Variants in WDFY4 observed in about 807,000 individuals in gnomAD.
WDFY4 encodes the protein WDFY family member 4, also known as WD repeat- and FYVE domain-containing protein 4.
WDFY4 carries 169 observed loss-of-function variants against 351.9 expected under a neutral mutation model. The ratio of observed to expected loss-of-function variants is 0.48; its 90% CI spans 0.42 to 0.55. The LOEUF (loss-of-function observed/expected upper bound fraction) is 0.55. WDFY4 is among the 20% of genes least tolerant of loss of function. The pLI is 0.00. For missense variants in WDFY4, 3,803 were observed against 3,935.6 expected (o/e 0.97, Z 0.90); for synonymous variants, 1,622 against 1,574.6 (o/e 1.03, Z -0.71).
chr10:48,788,704 C>A, intron 21 of WDFY4, 29 bp downstream of exon 21: 1 of 1,548,340 alleles, frequency 6.5e-7, no homozygotes, highest in Non-Finnish European at 8.7e-7. Flanking sequence ...CTGCTAATCT[C>A]TGTTGGAATC....
At position 48,743,384 on chromosome 10, in the gene WDFY4, G is replaced by T. The variant is rs764734930; in HGVS notation, c.2295G>T (p.Gln765His). The T allele has an allele frequency of 5.2e-6, 8 of 1,551,546 alleles. No homozygotes were observed. Residue 765 changes from glutamine (Q) to histidine (H), a missense_variant, in exon 12 of 62, where the codon CAG becomes CAT. This residue lies in a region of WDFY4 where 3,054 missense variants were observed against 3,148.6 expected (regional missense o/e 0.97). Coordinates refer to ENST00000325239, the MANE Select transcript of WDFY4 (RefSeq NM_001394531.1). ...SLPPRIQSCLQILGFLDSMAS... is the reference protein window; with the variant it reads ...SLPPRIQSCLHILGFLDSMAS... ...CACCCCGGATACAGAGCTGCCTCCA[G>T]ATCCTTGGCTTTCTGGACAGCATGG... is the stretch of plus-strand genomic sequence containing the variant.
chr10:48,861,918 A>G (rs979197559), intron 39 of WDFY4, among the ~76,000 whole-genome samples: 4 of 152,104 alleles, frequency 2.6e-5, no homozygotes, highest in Non-Finnish European at 4.4e-5. Context: ...CAGAATAGCT[A>G]CTTGCTATTG....
rs564534648 is a variant in WDFY4 at position 48,749,741 on chromosome 10, G to T, written c.2459+6193G>T. Among the ~76,000 whole-genome samples, 197 of 152,184 alleles carry T rather than the reference G, an allele frequency of 1.3e-3. 4 individuals are homozygous for T. The South Asian group carries it at 0.039, about 30-fold the overall frequency. On this transcript the variant is annotated intron_variant, in intron 12 of 61. Coordinates refer to ENST00000325239, the MANE Select transcript of WDFY4 (RefSeq NM_001394531.1). ...AGGGTGGTCTCTGTGCAGGACTGTG[G>T]CATCATGGGGTTATGGGTTATGAGG...
chr10:48,843,531 T>C (rs960294777), intron 39 of WDFY4, among the ~76,000 whole-genome samples: 2 of 151,992 alleles, frequency 1.3e-5, no homozygotes, highest in African/African-American at 4.8e-5. Context: ...CATCCAAAAA[T>C]AAATAAATAA....
rs576757613 is a variant in WDFY4 at position 48,887,505 on chromosome 10, G to T, written c.7168-3074G>T. ...TAGAAATTTATGCTTCAGGCCAGGC[G>T]CGGTGGCTCACGCCCGTAATCCCAG... On this transcript the variant is annotated intron_variant, in intron 43 of 61. Transcript: ENST00000325239. Among the ~76,000 whole-genome samples, 6 of 152,316 alleles carry T rather than the reference G, an allele frequency of 3.9e-5. No homozygotes were observed. The South Asian group carries it at 6.2e-4, about 16-fold the overall frequency.
intron 31 of WDFY4, 61 bp downstream of exon 31, chr10:48,814,143 G>A: frequency 6.9e-7 from 1 of 1,455,442 alleles, no homozygotes; most frequent in African/African-American, 1.4e-5. Flanking sequence ...CAGTTTGGAA[G>A]GGTCACCTTG....
chr10:48,700,646 C>T (rs772181371), intron 1 of WDFY4, among the ~76,000 whole-genome samples: 6 of 152,214 alleles, frequency 3.9e-5, no homozygotes, highest in Admixed American at 2.0e-4. Flanking sequence ...GCTGCGCAAA[C>T]GCACCATGCC....
chr10:48,788,771 C>A (rs2066581450), intron 21 of WDFY4, 96 bp downstream of exon 21: 1 of 1,465,852 alleles, frequency 6.8e-7, no homozygotes. Flanking sequence ...TTCATGTTTG[C>A]ACTTGTGTAG....
At chr10:48,692,475 T>C (rs2063221357) in intron 1 of WDFY4, among the ~76,000 whole-genome samples, 1 of 152,242 alleles carries the variant, frequency 6.6e-6, no homozygotes, top group South Asian at 2.1e-4. Flanking sequence ...CATCTCATTT[T>C]TGAAGTGTGT....
At chr10:48,751,284 TGG>T (rs2065173439) in intron 12 of WDFY4, among the ~76,000 whole-genome samples, 1 of 152,202 alleles carries the variant, frequency 6.6e-6, no homozygotes, top group African/African-American at 2.4e-5. Context: ...TGGTCTGAGA[TGG>T]GTTGAGGAGG....
At chr10:48,787,938 T>TCTC (rs1565199016) in intron 20 of WDFY4, among the ~76,000 whole-genome samples, 17 of 100,618 alleles carry the variant, frequency 1.7e-4, no homozygotes, top group South Asian at 3.7e-4. Flanking sequence ...TTCTTCTTCT[T>TCTC]CTTCTTCTTC....
rs1307724905 is a variant in WDFY4 at position 48,946,115 on chromosome 10, C to G, written c.7825C>G (p.Leu2609Val). The change falls in exon 50 of 62, where the codon CTG (leucine) becomes GTG (valine). Residue 2609 changes from leucine (L) to valine (V), a missense_variant. This residue lies in a region of WDFY4 where 3,054 missense variants were observed against 3,148.6 expected (regional missense o/e 0.97). Transcript: ENST00000325239. ...GGGGGCTCAGACCAAGGAAAGGAAG[C>G]TGAAATTTATCCAGAGGTTTAAAGA... ...PMGAQTKERK[L>V]KFIQRFKEVE... is the part of the protein sequence containing the mutation. The G allele has an allele frequency of 2.0e-5, 31 of 1,548,192 alleles. No homozygotes were observed. The East Asian group carries it at 5.1e-4, about 26-fold the overall frequency.
At chr10:48,879,295 G>C (rs1456411689) in intron 43 of WDFY4, among the ~76,000 whole-genome samples, 1 of 152,188 alleles carries the variant, frequency 6.6e-6, no homozygotes. Flanking sequence ...GGATGCTCCT[G>C]GTGTCTAGTG....
chr10:48,957,163 A>C lies in WDFY4; in HGVS notation c.8012A>C (p.His2671Pro). Reference sequence around the variant, plus strand: ...TTCGACGTGGCAGACAGAATGTTCCACAGTGTGAAGAGCACGTGGGAGTCG... The same window carrying C: ...TTCGACGTGGCAGACAGAATGTTCCCCAGTGTGAAGAGCACGTGGGAGTCG... ...GSFDVADRMF[H>P]SVKSTWESAS... The change falls in exon 52 of 62, where the codon CAC becomes CCC. Residue 2671 changes from histidine (H) to proline (P), a missense_variant. Coordinates refer to ENST00000325239, the MANE Select transcript of WDFY4 (RefSeq NM_001394531.1). The C allele has an allele frequency of 1.3e-6, 2 of 1,551,562 alleles. No homozygotes were observed. Among genetic ancestry groups the C allele is most frequent in the Non-Finnish European group, 1.7e-6 (2 of 1,146,898 alleles).
At chr10:48,931,494 G>A (rs1309763739) in intron 47 of WDFY4, among the ~76,000 whole-genome samples, 1 of 152,198 alleles carries the variant, frequency 6.6e-6, no homozygotes, top group Non-Finnish European at 1.5e-5. Context: ...CCTGTTGTGA[G>A]AGGGTGGCCC....
At chr10:48,918,483 CA>C (rs1255646563) in intron 47 of WDFY4, among the ~76,000 whole-genome samples, 1 of 151,990 alleles carries the variant, frequency 6.6e-6, no homozygotes, top group East Asian at 1.9e-4. Flanking sequence ...GAAGTAAGAC[CA>C]TTACTTATTA....
At position 48,788,597 on chromosome 10, in the gene WDFY4, A is replaced by T; in HGVS notation, c.3876A>T (p.Ile1292=). 2 of 1,551,862 alleles carry T rather than the reference A, an allele frequency of 1.3e-6. No homozygotes were observed. Among genetic ancestry groups the T allele is most frequent in the Non-Finnish European group, 1.7e-6 (2 of 1,147,016 alleles). ...AEERVSFGLH[I]ASSSITSVAD... ...AAAGAGTTTCTTTTGGACTTCACATAGCCAGCTCCTCTATCACCAGTGTAG... is the reference window on the plus strand; with the variant it reads ...AAAGAGTTTCTTTTGGACTTCACATTGCCAGCTCCTCTATCACCAGTGTAG... The change falls in exon 21 of 62, where the codon ATA becomes ATT. Residue 1292 remains isoleucine, a synonymous_variant. Coordinates refer to ENST00000325239, the MANE Select transcript of WDFY4 (RefSeq NM_001394531.1).
At chr10:48,858,078 G>C (rs945773281) in intron 39 of WDFY4, among the ~76,000 whole-genome samples, 5 of 152,264 alleles carry the variant, frequency 3.3e-5, no homozygotes, top group Admixed American at 2.0e-4. Flanking sequence ...ACAGATGTGA[G>C]CCACCACGCC....
intron 21 of WDFY4, among the ~76,000 whole-genome samples, chr10:48,789,183 G>A (rs959655547): frequency 4.6e-5 from 7 of 151,860 alleles, no homozygotes; most frequent in Non-Finnish European, 8.8e-5. Context: ...ATATTGCTGT[G>A]ATTAAAACAA....
Sources: allele counts gnomAD v4.1 joint callset (sites outside exome capture counted in the v4.1 genomes callset), GRCh38; gene constraint gnomAD v4.1.1; regional missense constraint gnomAD v4.1.1; transcripts MANE v1.5; gene names NCBI Gene and HGNC (gene_info 2026-07-23, HGNC 2026-07-21).